Variants in MAN1C1 observed in about 807,000 individuals in gnomAD.
MAN1C1 encodes the protein mannosidase alpha class 1C member 1, also known as mannosyl-oligosaccharide 1,2-alpha-mannosidase IC.
In MAN1C1, 49 loss-of-function variants were observed where a neutral mutation model predicts 71.5. That is an observed-to-expected ratio of 0.69 (90% CI 0.54 to 0.87). MAN1C1 has a LOEUF of 0.87. Among genes scored for constraint, MAN1C1 ranks in the 40% least tolerant of loss-of-function variants. MAN1C1 has a pLI of 0.00. For synonymous variants in MAN1C1, 352 were observed against 343.7 expected (o/e 1.02, Z -0.27); for missense variants, 743 against 835.0 (o/e 0.89, Z 1.36).
intron 2 of MAN1C1, among the ~76,000 whole-genome samples, chr1:25,741,732 T>C (rs1186411252): frequency 6.6e-6 from 1 of 151,380 alleles, no homozygotes; most frequent in Non-Finnish European, 1.5e-5. Context: ...CATCAGAGGG[T>C]GAGATTGCAT....
At chr1:25,781,855 C>T (rs544933341) in intron 10 of MAN1C1, among the ~76,000 whole-genome samples, 2 of 152,290 alleles carry the variant, frequency 1.3e-5, no homozygotes, top group East Asian at 3.9e-4. Flanking sequence ...GTCCATAGAC[C>T]CCCTCCGTGG....
chr1:25,655,957 G>C (rs2045758133), intron 1 of MAN1C1, among the ~76,000 whole-genome samples: 1 of 151,976 alleles, frequency 6.6e-6, no homozygotes, highest in Non-Finnish European at 1.5e-5. Context: ...TGGACTGGGG[G>C]TGCTCAGGAG....
chr1:25,619,387 G>A (rs1045053753), intron 1 of MAN1C1, among the ~76,000 whole-genome samples: 1 of 152,230 alleles, frequency 6.6e-6, no homozygotes, highest in Admixed American at 6.5e-5. Context: ...GAAGTCAGCA[G>A]TTCGACCCTG....
At chr1:25,768,059 TCACA>T (rs145494997) in intron 7 of MAN1C1, among the ~76,000 whole-genome samples, 188 of 12,832 alleles carry the variant, frequency 0.015, 20 homozygotes, top group African/African-American at 0.11. Context: ...CACACTCCCC[TCACA>T]CACACACACA....
intron 2 of MAN1C1, among the ~76,000 whole-genome samples, chr1:25,733,802 A>T (rs977204665): frequency 4.6e-5 from 7 of 151,072 alleles, no homozygotes; most frequent in African/African-American, 1.7e-4. Context: ...TATTATTTTT[A>T]TTTTTATTTT....
At chr1:25,654,412 G>A (rs1259033033) in intron 1 of MAN1C1, 1 of 152,278 alleles carries the variant, frequency 6.6e-6, no homozygotes, top group Non-Finnish European at 1.5e-5. Flanking sequence ...GAGCTGCTGA[G>A]TGAGATCCAG....
At chr1:25,732,682 G>A (rs547679489) in intron 2 of MAN1C1, among the ~76,000 whole-genome samples, 47 of 152,168 alleles carry the variant, frequency 3.1e-4, no homozygotes, top group Non-Finnish European at 6.0e-4. Flanking sequence ...GGATCCAAGC[G>A]TGGGTTTCCA....
At chr1:25,780,125 C>G (rs1487839527) in intron 9 of MAN1C1, among the ~76,000 whole-genome samples, 1 of 152,182 alleles carries the variant, frequency 6.6e-6, no homozygotes, top group African/African-American at 2.4e-5. Flanking sequence ...CCTCAGTTTC[C>G]ACATGCGTGA....
Position 25,767,379 on chromosome 1 carries a change from CCACACA to C in MAN1C1, c.1141+3426_1141+3431del, listed in dbSNP as rs143706023. Among the ~76,000 whole-genome samples, 46 of 37,498 alleles carry C rather than the reference CCACACA, an allele frequency of 1.2e-3. 1 individual carries two copies. Among genetic ancestry groups the C allele is most frequent in the Admixed American group, 4.8e-3 (15 of 3,100 alleles). The allele number at this position is 37,498 out of a possible 152,430, so 24.6% of individuals were successfully genotyped here. On this transcript the variant is annotated intron_variant, in intron 7 of 11. Transcript: ENST00000374332. ...CACTACCCTCACATACGTCCACACT[CCACACA>C]CACACACACACACCCCTACCACCCC...
intron 1 of MAN1C1, among the ~76,000 whole-genome samples, chr1:25,643,554 A>T (rs2045567529): frequency 1.4e-5 from 2 of 141,138 alleles, no homozygotes; most frequent in Non-Finnish European, 3.0e-5. Flanking sequence ...TACAGGCCTG[A>T]CCCACCACGC....
rs532195902 is a variant in MAN1C1, at chr1:25,675,087, T to G, written c.541-11353T>G. On this transcript the variant is annotated intron_variant, in intron 1 of 11. Coordinates refer to ENST00000374332, the MANE Select transcript of MAN1C1 (RefSeq NM_020379.4). ...GGCTGCTTTTTATTGATTGATTGATTCATTTTATTTCAGTAGTTTTTGGGG... is the reference window on the plus strand; with the variant it reads ...GGCTGCTTTTTATTGATTGATTGATGCATTTTATTTCAGTAGTTTTTGGGG... 4.3e-4 allele frequency among the ~76,000 whole-genome samples: 66 copies of G among 152,260 alleles called. No homozygotes were observed. In the Middle Eastern group the frequency reaches 0.014, roughly 31 times the overall value.
intron 2 of MAN1C1, among the ~76,000 whole-genome samples, chr1:25,693,850 T>G (rs138776955): frequency 7.2e-5 from 11 of 152,234 alleles, no homozygotes; most frequent in Admixed American, 2.6e-4. Context: ...GCACCTAATT[T>G]CCCCATCTGT....
chr1:25,669,621 A>T (rs1410438783), intron 1 of MAN1C1, among the ~76,000 whole-genome samples: 1 of 152,020 alleles, frequency 6.6e-6, no homozygotes, highest in African/African-American at 2.4e-5. Flanking sequence ...AAATTGTAAA[A>T]ATCAGCCAAG....
chr1:25,703,418 A>G (rs916403605), intron 2 of MAN1C1, among the ~76,000 whole-genome samples: 7 of 152,170 alleles, frequency 4.6e-5, no homozygotes, highest in Admixed American at 2.0e-4. Flanking sequence ...GCGGTGGCTC[A>G]CACCTGTAAT....
intron 7 of MAN1C1, among the ~76,000 whole-genome samples, chr1:25,770,052 G>A (rs2047527192): frequency 6.6e-6 from 1 of 152,104 alleles, no homozygotes; most frequent in African/African-American, 2.4e-5. Context: ...AGGGCTCTGA[G>A]CAGAGGACAA....
intron 2 of MAN1C1, among the ~76,000 whole-genome samples, chr1:25,718,286 G>A (rs919177174): frequency 2.6e-5 from 4 of 152,114 alleles, no homozygotes; most frequent in Non-Finnish European, 4.4e-5. Context: ...GTGTCCCAGC[G>A]CATTAGGTGG....
chr1:25,709,385 T>G (rs2046572059), intron 2 of MAN1C1, among the ~76,000 whole-genome samples: 1 of 152,192 alleles, frequency 6.6e-6, no homozygotes, highest in Non-Finnish European at 1.5e-5. Context: ...TAGTAGGTAC[T>G]CAATAAATGT....
At chr1:25,721,472 A>G (rs2046765825) in intron 2 of MAN1C1, among the ~76,000 whole-genome samples, 1 of 152,198 alleles carries the variant, frequency 6.6e-6, no homozygotes, top group South Asian at 2.1e-4. Flanking sequence ...ACAATATTTT[A>G]TAGTTTAGAG....
In MAN1C1 at chr1:25,768,927, C is replaced by T. The variant is rs111203891; in HGVS notation, c.1142-2730C>T. Among the ~76,000 whole-genome samples the T allele has an allele frequency of 1.7e-3, 252 of 149,046 alleles. 1 individual carries two copies. The highest frequency in any genetic ancestry group is 5.2e-3 in the African/African-American group (211 of 40,412). On this transcript the variant is annotated intron_variant, in intron 7 of 11. Coordinates refer to ENST00000374332, the MANE Select transcript of MAN1C1 (RefSeq NM_020379.4). Reference sequence around the variant, plus strand: ...ACACTTTCCTCACATACACACTCCCCTTACACACTACACACACACACTTCC... The same window carrying T: ...ACACTTTCCTCACATACACACTCCCTTTACACACTACACACACACACTTCC...
Sources: allele counts gnomAD v4.1 joint callset (sites outside exome capture counted in the v4.1 genomes callset), GRCh38; gene constraint gnomAD v4.1.1; transcripts MANE v1.5; gene names NCBI Gene and HGNC (gene_info 2026-07-23, HGNC 2026-07-21).